The following PLCE1 variants were observed in gnomAD, a reference collection of about 807,000 sequenced individuals.
PLCE1 encodes the protein 1-phosphatidylinositol 4,5-bisphosphate phosphodiesterase epsilon-1.
Under a neutral mutation model 242.8 loss-of-function variants are expected in PLCE1, and 119 were observed. That is an observed-to-expected ratio of 0.49 (90% CI 0.42 to 0.57). PLCE1 has a LOEUF of 0.57. PLCE1 is among the 20% of genes least tolerant of loss of function. The pLI is 0.00. For missense variants in PLCE1, 2,441 were observed against 2,788.8 expected (o/e 0.88, Z 2.81); for synonymous variants, 945 against 1,017.4 (o/e 0.93, Z 1.35).
In PLCE1 at chr10:94,007,575, C is replaced by CTTT. The variant is rs57779697; in HGVS notation, c.-365+13336_-365+13338dup. Among the ~76,000 whole-genome samples, 26 of 107,258 alleles carry CTTT rather than the reference C, an allele frequency of 2.4e-4. 1 individual carries two copies. Among genetic ancestry groups the CTTT allele is most frequent in the African/African-American group, 8.1e-4 (22 of 27,176 alleles). The allele number at this position is 107,258 out of a possible 152,430, so 70.4% of individuals were successfully genotyped here. ...TGATATACAAATACATTCTCTCTCT[C>CTTT]TTTTTTTTTTTTTTTTTTTTTGCTA... On this transcript the variant is annotated intron_variant, in intron 1 of 32. Transcript: ENST00000371380.
At chr10:94,061,048 T>C (rs1307151907) in intron 2 of PLCE1, among the ~76,000 whole-genome samples, 2 of 152,120 alleles carry the variant, frequency 1.3e-5, no homozygotes, top group African/African-American at 2.4e-5. Flanking sequence ...GTCTCCGTAC[T>C]GAGACTAAGC....
chr10:94,013,120 C>T (rs1401097820), intron 1 of PLCE1, among the ~76,000 whole-genome samples: 1 of 152,202 alleles, frequency 6.6e-6, no homozygotes, highest in African/African-American at 2.4e-5. Flanking sequence ...TGTTCTTCCC[C>T]TAAGTTTGCC....
chr10:94,324,686 TAGG>T, intron 31 of PLCE1, 119 bp downstream of exon 31: 2 of 1,014,332 alleles, frequency 2.0e-6, no homozygotes, highest in South Asian at 2.6e-5. Context: ...GGAATGGAGT[TAGG>T]AGAAAATTGT....
At chr10:94,242,508 A>G (rs1434587918) in intron 7 of PLCE1, among the ~76,000 whole-genome samples, 1 of 152,052 alleles carries the variant, frequency 6.6e-6, no homozygotes, top group Non-Finnish European at 1.5e-5. Context: ...ACGGGGTTTT[A>G]CCATGTTCGC....
At chr10:94,320,967 T>G (rs995112878) in intron 29 of PLCE1, among the ~76,000 whole-genome samples, 1 of 152,242 alleles carries the variant, frequency 6.6e-6, no homozygotes, top group Non-Finnish European at 1.5e-5. Context: ...AAAGTTTGGT[T>G]TTTCTTATTG....
chr10:94,259,727 A>G (rs2051229984), intron 13 of PLCE1, among the ~76,000 whole-genome samples: 1 of 152,162 alleles, frequency 6.6e-6, no homozygotes, highest in Non-Finnish European at 1.5e-5. Context: ...CTGACAACCA[A>G]AAACCCTTTC....
chr10:94,050,729 A>G (rs1379596480), intron 2 of PLCE1, among the ~76,000 whole-genome samples: 1 of 152,212 alleles, frequency 6.6e-6, no homozygotes, highest in African/African-American at 2.4e-5. Flanking sequence ...AAAAATAATT[A>G]TCTAGCACAT....
chr10:94,123,129 G>A (rs568876069), intron 2 of PLCE1, among the ~76,000 whole-genome samples: 22 of 152,280 alleles, frequency 1.4e-4, no homozygotes, highest in African/African-American at 5.3e-4. Context: ...TTTGCTTAAG[G>A]TGTCATTGGA....
At chr10:94,268,113 T>TTA (rs2051580592) in intron 16 of PLCE1, among the ~76,000 whole-genome samples, 1 of 152,192 alleles carries the variant, frequency 6.6e-6, no homozygotes, top group Non-Finnish European at 1.5e-5. Flanking sequence ...CAAGCAAACT[T>TTA]TATAGAGTTG....
At chr10:94,326,961 C>T (rs1027354427) in intron 32 of PLCE1, among the ~76,000 whole-genome samples, 9 of 151,624 alleles carry the variant, frequency 5.9e-5, no homozygotes, top group African/African-American at 1.9e-4. Context: ...GAGATTGAGA[C>T]CATCCTGGCC....
intron 8 of PLCE1, among the ~76,000 whole-genome samples, chr10:94,247,277 T>C (rs2050717995): frequency 6.6e-6 from 1 of 151,916 alleles, no homozygotes; most frequent in Non-Finnish European, 1.5e-5. Context: ...ACTGGTTTCT[T>C]TGCAGATGGG....
chr10:94,046,140 A>C (rs1388308327), intron 2 of PLCE1, among the ~76,000 whole-genome samples: 1 of 152,036 alleles, frequency 6.6e-6, no homozygotes, highest in East Asian at 1.9e-4. Context: ...ATGCCCTTTT[A>C]ATTTGGATGT....
intron 2 of PLCE1, among the ~76,000 whole-genome samples, chr10:94,058,346 A>T (rs1357718617): frequency 6.6e-6 from 1 of 152,178 alleles, no homozygotes; most frequent in Non-Finnish European, 1.5e-5. Flanking sequence ...AACAGCAGAG[A>T]TATCAATAAT....
chr10:94,210,367 T>C (rs975821119), intron 4 of PLCE1, among the ~76,000 whole-genome samples: 23 of 152,142 alleles, frequency 1.5e-4, no homozygotes, highest in African/African-American at 5.6e-4. Flanking sequence ...TCTGAGGATC[T>C]TTGTGACCCC....
At chr10:94,182,263 C>A (rs1301213174) in intron 4 of PLCE1, among the ~76,000 whole-genome samples, 1 of 151,648 alleles carries the variant, frequency 6.6e-6, no homozygotes, top group African/African-American at 2.4e-5. Flanking sequence ...GCCTTCATTT[C>A]TTTTTTATTT....
chr10:94,134,770 C>T (rs1375470846), intron 3 of PLCE1, among the ~76,000 whole-genome samples: 1 of 152,106 alleles, frequency 6.6e-6, no homozygotes, highest in Admixed American at 6.6e-5. Context: ...TTTGCACTTC[C>T]CTGTTCGAAA....
chr10:94,128,060 T>A (rs1440607669), intron 2 of PLCE1, among the ~76,000 whole-genome samples: 1 of 150,866 alleles, frequency 6.6e-6, no homozygotes, highest in South Asian at 2.1e-4. Flanking sequence ...CAATCTCAGC[T>A]TACTGCAACC....
chr10:94,244,932 C>T (rs2050627826), intron 7 of PLCE1, among the ~76,000 whole-genome samples: 2 of 152,152 alleles, frequency 1.3e-5, no homozygotes, highest in Non-Finnish European at 2.9e-5. Flanking sequence ...AACTTCTGGG[C>T]TCAAGCAGTC....
chr10:94,049,766 C>T (rs1038739254), intron 2 of PLCE1, among the ~76,000 whole-genome samples: 29 of 152,160 alleles, frequency 1.9e-4, no homozygotes, highest in African/African-American at 6.8e-4. Context: ...TTTGTTGTAT[C>T]TCCTTTCAGT....
Sources: gnomAD v4.1 joint callset for allele counts (sites outside exome capture counted in the v4.1 genomes callset) on GRCh38, gnomAD v4.1.1 for gene constraint, MANE v1.5 for transcripts, NCBI Gene and HGNC (gene_info 2026-07-23, HGNC 2026-07-21) for gene names.